Variants in HDAC9 observed in about 807,000 individuals in gnomAD.
HDAC9 encodes the protein MEF-2 interacting transcription repressor (MITR) protein.
In HDAC9, 41 loss-of-function variants were observed where a neutral mutation model predicts 139.4. The observed-to-expected ratio is 0.29, with a 90% CI of 0.23 to 0.38. The LOEUF (loss-of-function observed/expected upper bound fraction) is 0.38. Ranked by LOEUF, HDAC9 falls within the 10% of genes least tolerant of loss-of-function variation. HDAC9 has a pLI of 1.00. For missense variants in HDAC9, 1,147 were observed against 1,297.0 expected (o/e 0.88, Z 1.78); for synonymous variants, 517 against 476.2 (o/e 1.09, Z -1.12).
chr7:18,406,583 CG>C (rs1387684114), intron 1 of HDAC9, among the ~76,000 whole-genome samples: 2 of 151,826 alleles, frequency 1.3e-5, no homozygotes, highest in Non-Finnish European at 2.9e-5. Flanking sequence ...TTAGTAGAGA[CG>C]GGGTTTCACC....
At chr7:18,643,461 C>T (rs936393336) in intron 8 of HDAC9, among the ~76,000 whole-genome samples, 1 of 152,096 alleles carries the variant, frequency 6.6e-6, no homozygotes, top group African/African-American at 2.4e-5. Context: ...GAAAACTCCA[C>T]ATTTAACCTT....
intron 25 of HDAC9, among the ~76,000 whole-genome samples, chr7:18,977,369 A>T (rs1427009667): frequency 6.6e-6 from 1 of 152,204 alleles, no homozygotes; most frequent in East Asian, 1.9e-4. Context: ...GAGCATAGCT[A>T]TTCTTTAGAA....
At chr7:18,131,219 A>G (rs573673270) in intron 1 of HDAC9, among the ~76,000 whole-genome samples, 224 of 152,236 alleles carry the variant, frequency 1.5e-3, no homozygotes, top group African/African-American at 5.2e-3. Context: ...TACGTACCCA[A>G]ATCTCTTCCA....
chr7:18,276,742 A>G (rs1200109805), intron 2 of HDAC9, among the ~76,000 whole-genome samples: 4 of 152,198 alleles, frequency 2.6e-5, no homozygotes, highest in African/African-American at 7.2e-5. Flanking sequence ...AGCTTACCCA[A>G]TTTGCCTTTC....
intron 1 of HDAC9, among the ~76,000 whole-genome samples, chr7:18,106,596 G>T (rs571567283): frequency 6.6e-6 from 1 of 152,218 alleles, no homozygotes; most frequent in Non-Finnish European, 1.5e-5. Flanking sequence ...GAGATTACAG[G>T]CACACTCTAC....
At chr7:18,232,641 G>A (rs929465236) in intron 2 of HDAC9, among the ~76,000 whole-genome samples, 3 of 152,148 alleles carry the variant, frequency 2.0e-5, no homozygotes, top group Admixed American at 6.6e-5. Flanking sequence ...CATGATATTT[G>A]CAGAATGCAT....
At chr7:18,278,562 G>A (rs781096103) in intron 2 of HDAC9, among the ~76,000 whole-genome samples, 1 of 152,128 alleles carries the variant, frequency 6.6e-6, no homozygotes, top group Non-Finnish European at 1.5e-5. Context: ...AACTTCTGTG[G>A]TCTAGGGTTT....
In HDAC9 at chr7:18,648,696, G is replaced by C. The variant is rs766496484; in HGVS notation, c.1467+13G>C. ...CCACATGAACAAAGTAAGCCTCCAA[G>C]CCAAGTCAAAATGTTCTAACCGCCA... is the stretch of plus-strand genomic sequence containing the variant. On this transcript the variant is annotated intron_variant, in intron 11 of 25. Coordinates refer to ENST00000686413, the MANE Select transcript of HDAC9 (RefSeq NM_178425.4). The C allele has an allele frequency of 1.2e-5, 20 of 1,601,240 alleles. No homozygotes were observed. In the Admixed American group the frequency reaches 3.4e-4, roughly 28 times the overall value.
intron 16 of HDAC9, among the ~76,000 whole-genome samples, chr7:18,772,688 A>G (rs1284537384): frequency 1.3e-5 from 2 of 151,990 alleles, no homozygotes; most frequent in Non-Finnish European, 2.9e-5. Context: ...TCCTCTTCCT[A>G]ACTGTATCTG....
intron 2 of HDAC9, among the ~76,000 whole-genome samples, chr7:18,540,760 T>G (rs1038163502): frequency 1.3e-5 from 2 of 152,176 alleles, no homozygotes; most frequent in African/African-American, 4.8e-5. Flanking sequence ...ACTATTATAT[T>G]TAGAAAAGGA....
chr7:18,858,086 C>T (rs969355438), intron 21 of HDAC9, among the ~76,000 whole-genome samples: 1 of 152,104 alleles, frequency 6.6e-6, no homozygotes, highest in Non-Finnish European at 1.5e-5. Context: ...TTTAGCATGT[C>T]ACAGTATCAT....
chr7:18,398,589 A>C (rs1373743154), intron 1 of HDAC9, among the ~76,000 whole-genome samples: 1 of 152,008 alleles, frequency 6.6e-6, no homozygotes, highest in Non-Finnish European at 1.5e-5. Context: ...AAGATACAGG[A>C]TTGTGCGTAT....
At chr7:18,485,499 G>A (rs1440542362) in intron 1 of HDAC9, among the ~76,000 whole-genome samples, 1 of 150,380 alleles carries the variant, frequency 6.6e-6, no homozygotes, top group Non-Finnish European at 1.5e-5. Context: ...GCAGACTAAT[G>A]ATTTTTATGT....
chr7:18,554,974 A>C (rs1026493212), intron 2 of HDAC9, among the ~76,000 whole-genome samples: 1 of 152,204 alleles, frequency 6.6e-6, no homozygotes, highest in Non-Finnish European at 1.5e-5. Context: ...GTTAAATTCT[A>C]TGTGTGAAGT....
intron 1 of HDAC9, among the ~76,000 whole-genome samples, chr7:18,125,492 A>G (rs1353556248): frequency 6.6e-6 from 1 of 152,042 alleles, no homozygotes; most frequent in Non-Finnish European, 1.5e-5. Flanking sequence ...GGCTCATGAT[A>G]TATATGATTT....
intron 2 of HDAC9, among the ~76,000 whole-genome samples, chr7:18,513,962 A>G (rs1389263602): frequency 1.3e-5 from 2 of 152,168 alleles, no homozygotes; most frequent in Non-Finnish European, 2.9e-5. Flanking sequence ...TTTAAACGTT[A>G]TTGCTTATTT....
chr7:18,656,156 C>T (rs1791090032), intron 11 of HDAC9, among the ~76,000 whole-genome samples: 1 of 151,256 alleles, frequency 6.6e-6, no homozygotes, highest in African/African-American at 2.4e-5. Context: ...TGAGGAACTA[C>T]AGTGACCCTG....
intron 2 of HDAC9, among the ~76,000 whole-genome samples, chr7:18,579,791 C>CTGTGTG (rs3084516): frequency 7.6e-4 from 114 of 150,338 alleles, no homozygotes; most frequent in Middle Eastern, 3.5e-3. Flanking sequence ...TTTTCCATGC[C>CTGTGTG]TGTGTGTGTG....
intron 1 of HDAC9, among the ~76,000 whole-genome samples, chr7:18,133,932 GCACACACA>G (rs112343375): frequency 6.2e-5 from 9 of 145,826 alleles, no homozygotes; most frequent in Admixed American, 2.1e-4. Flanking sequence ...ATACACGCGT[GCACACACA>G]CACACACACA....
Sources: allele counts gnomAD v4.1 joint callset (sites outside exome capture counted in the v4.1 genomes callset), GRCh38; gene constraint gnomAD v4.1.1; transcripts MANE v1.5; gene names NCBI Gene and HGNC (gene_info 2026-07-23, HGNC 2026-07-21).